The following STEAP1B variants were observed in gnomAD, a reference collection of about 807,000 sequenced individuals.
The protein encoded by STEAP1B is STEAP family member 1B.
Under a neutral mutation model 27.9 loss-of-function variants are expected in STEAP1B, and 13 were observed. The observed-to-expected ratio is 0.47, with a 90% confidence interval of 0.30 to 0.74. STEAP1B has a LOEUF of 0.74. Among genes scored for constraint, STEAP1B ranks in the 30% least tolerant of loss-of-function variants. The pLI is 0.06. For missense variants in STEAP1B, 250 were observed against 298.7 expected (o/e 0.84, Z 1.20); for synonymous variants, 86 against 107.1 (o/e 0.80, Z 1.22).
chr7:22,483,051 A>G (rs978664191), intron 4 of STEAP1B, among the ~76,000 whole-genome samples: 4 of 152,126 alleles, frequency 2.6e-5, no homozygotes, highest in African/African-American at 9.7e-5. Flanking sequence ...TGAGAGCTGG[A>G]TGGGGCATTT....
intron 4 of STEAP1B, among the ~76,000 whole-genome samples, chr7:22,482,934 G>A (rs1786109370): frequency 6.6e-6 from 1 of 152,176 alleles, no homozygotes; most frequent in African/African-American, 2.4e-5. Context: ...GAATAGATTT[G>A]TAAGTAGGGC....
chr7:22,476,913 C>T (rs1785982777), intron 4 of STEAP1B, among the ~76,000 whole-genome samples: 1 of 152,140 alleles, frequency 6.6e-6, no homozygotes. Flanking sequence ...TGGCTCAGTG[C>T]CTGAGGGTGC....
intron 4 of STEAP1B, among the ~76,000 whole-genome samples, chr7:22,478,367 A>G (rs1055696775): frequency 1.3e-5 from 2 of 152,212 alleles, no homozygotes; most frequent in African/African-American, 4.8e-5. Context: ...CTACCGCTCC[A>G]AGATAAGCGG....
At chr7:22,436,543 C>CCCACCCT (rs56328424) in intron 4 of STEAP1B, among the ~76,000 whole-genome samples, 32,753 of 148,076 alleles carry the variant, frequency 0.22, 4,147 homozygotes, top group Non-Finnish European at 0.3. Context: ...TCTTCCTCCT[C>CCCACCCT]CCACCCTCCA....
At chr7:22,478,053 G>A (rs1459567594) in intron 4 of STEAP1B, among the ~76,000 whole-genome samples, 1 of 152,200 alleles carries the variant, frequency 6.6e-6, no homozygotes, top group Non-Finnish European at 1.5e-5. Flanking sequence ...GGAGCTGGGG[G>A]CTGCTGGGCG....
In STEAP1B at chr7:22,492,319, CAAAAA is replaced by C. The variant is rs56679156; in HGVS notation, c.762+241_762+245del. On this transcript the variant is annotated intron_variant, in intron 4 of 4. Coordinates refer to ENST00000678116, the MANE Select transcript of STEAP1B (RefSeq NM_001382447.1). The stretch of plus-strand genomic sequence containing the variant: ...GGGCAACAGAGCGAGACTTCATCTC[CAAAAA>C]AAAAAAAAAAAAAAAAAAAAAAAGG... The C allele has an allele frequency of 6.1e-3, 334 of 54,736 alleles. 1 individual carries two copies. Among genetic ancestry groups the C allele is most frequent in the African/African-American group, 0.02 (214 of 10,688 alleles). 3.4% of individuals were successfully genotyped at this position (54,736 alleles called of 1,614,324 possible).
chr7:22,454,924 G>A (rs969095404), intron 4 of STEAP1B, among the ~76,000 whole-genome samples: 2 of 148,840 alleles, frequency 1.3e-5, no homozygotes, highest in Non-Finnish European at 3.0e-5. Flanking sequence ...GTGCACTGGT[G>A]CAATCTCAGC....
chr7:22,462,164 G>C (rs1192024859), intron 4 of STEAP1B, among the ~76,000 whole-genome samples: 1 of 152,004 alleles, frequency 6.6e-6, no homozygotes, highest in Non-Finnish European at 1.5e-5. Context: ...CTCTCCCCTA[G>C]CTTCACTCCT....
chr7:22,422,446 G>A (rs1785055192), intron 4 of STEAP1B, among the ~76,000 whole-genome samples: 1 of 152,024 alleles, frequency 6.6e-6, no homozygotes. Context: ...CAACGTCACT[G>A]GAATATGCAA....
chr7:22,478,259 T>A lies in STEAP1B; in HGVS notation c.762+14306A>T, dbSNP rs940811374. On this transcript the variant is annotated intron_variant, in intron 4 of 4. Coordinates refer to ENST00000678116, the MANE Select transcript of STEAP1B (RefSeq NM_001382447.1). The stretch of plus-strand genomic sequence containing the variant: ...AAGAAGTCTGGGGTTTATCTTCGGT[T>A]ACTTAAGGCAATGAGGACAGACTGC... Among the ~76,000 whole-genome samples the A allele has an allele frequency of 9.2e-5, 14 of 152,334 alleles. No individual in the cohort carries two copies. In the South Asian group the frequency reaches 2.9e-3, roughly 32 times the overall value.
At chr7:22,483,344 T>C (rs975338693) in intron 4 of STEAP1B, among the ~76,000 whole-genome samples, 1 of 152,198 alleles carries the variant, frequency 6.6e-6, no homozygotes, top group Non-Finnish European at 1.5e-5. Context: ...GGTACAGGCA[T>C]ACGTTCATTT....
At chr7:22,440,147 G>A (rs1024303909) in intron 4 of STEAP1B, among the ~76,000 whole-genome samples, 1 of 152,064 alleles carries the variant, frequency 6.6e-6, no homozygotes, top group African/African-American at 2.4e-5. Flanking sequence ...TATCTAAAAC[G>A]AGCTTACTTA....
intron 1 of STEAP1B, among the ~76,000 whole-genome samples, chr7:22,495,801 T>C (rs1159448161): frequency 1.3e-5 from 2 of 152,212 alleles, no homozygotes; most frequent in African/African-American, 4.8e-5. Flanking sequence ...TAGTTTAAAA[T>C]ACAGTGATGT....
chr7:22,465,888 G>A (rs1406970431), intron 4 of STEAP1B, among the ~76,000 whole-genome samples: 1 of 152,160 alleles, frequency 6.6e-6, no homozygotes, highest in African/African-American at 2.4e-5. Flanking sequence ...ACCTCCTAAT[G>A]GCCTCCACCT....
intron 4 of STEAP1B, among the ~76,000 whole-genome samples, chr7:22,445,384 G>C (rs1193516789): frequency 6.6e-6 from 1 of 152,250 alleles, no homozygotes; most frequent in Non-Finnish European, 1.5e-5. Flanking sequence ...GAGGACAGCT[G>C]GGCCATGCCC....
intron 4 of STEAP1B, among the ~76,000 whole-genome samples, chr7:22,467,647 A>T (rs2128409789): frequency 6.6e-6 from 1 of 151,724 alleles, no homozygotes; most frequent in Admixed American, 6.6e-5. Flanking sequence ...ATAAGGGGAA[A>T]CCCCTTTTGC....
chr7:22,467,657 C>T (rs1785808872), intron 4 of STEAP1B, among the ~76,000 whole-genome samples: 1 of 152,154 alleles, frequency 6.6e-6, no homozygotes. Flanking sequence ...ACCCCTTTTG[C>T]TTGGATCTCA....
chr7:22,481,591 G>T (rs1218609723), intron 4 of STEAP1B, among the ~76,000 whole-genome samples: 1 of 152,030 alleles, frequency 6.6e-6, no homozygotes, highest in Admixed American at 6.5e-5. Context: ...CCCTGCGTTG[G>T]TTTGCACATT....
Position 22,493,621 on chromosome 7 carries a change from A to C in STEAP1B, c.300T>G (p.Thr100=). Residue 100 remains threonine (T), a synonymous_variant, in exon 3 of 5, where the codon ACT becomes ACG. Coordinates refer to ENST00000678116, the MANE Select transcript of STEAP1B (RefSeq NM_001382447.1). Reference sequence around the variant, plus strand: ...TTTTATAAAAATATTGTTGATGGGAAGTTGCTAAAGGGTGAATTACTTCCC... The same window carrying C: ...TTTTATAAAAATATTGTTGATGGGACGTTGCTAAAGGGTGAATTACTTCCC... ...LLREVIHPLA[T]SHQQYFYKIP... is the part of the protein sequence containing the mutation. 1.2e-6 allele frequency: 2 copies of C among 1,614,016 alleles called. No homozygotes were observed. Among genetic ancestry groups the C allele is most frequent in the East Asian group, 2.2e-5 (1 of 44,890 alleles).
Sources: gnomAD v4.1 joint callset for allele counts (sites outside exome capture counted in the v4.1 genomes callset) on GRCh38, gnomAD v4.1.1 for gene constraint, MANE v1.5 for transcripts, NCBI Gene and HGNC (gene_info 2026-07-23, HGNC 2026-07-21) for gene names.